Variants in PABIR2 observed in about 807,000 individuals in gnomAD.
The protein encoded by PABIR2 is PABIR family member 2.
A neutral mutation model predicts 22.8 loss-of-function variants in PABIR2; 7 were observed. That is an observed-to-expected ratio of 0.31 (90% CI 0.17 to 0.58). PABIR2 has a LOEUF of 0.58. Ranked by LOEUF, PABIR2 falls within the 20% of genes least tolerant of loss-of-function variation. The probability of loss-of-function intolerance (pLI) is 0.89; values close to 1 mark genes in which losing one functional copy is unlikely to be tolerated. For synonymous variants in PABIR2, 67 were observed against 73.8 expected (o/e 0.91, Z 0.47); for missense variants, 155 against 205.1 (o/e 0.76, Z 1.49).
intron 2 of PABIR2, among the ~76,000 whole-genome samples, chrX:134,790,433 A>G (rs1051758380): frequency 1.8e-5 from 2 of 112,978 alleles, no homozygotes; most frequent in South Asian, 7.1e-4. Context: ...TTGTAATACT[A>G]TAAAACCAAA....
At chrX:134,774,158 C>T (rs1019605640) in intron 9 of PABIR2, among the ~76,000 whole-genome samples, 2 of 111,636 alleles carry the variant, frequency 1.8e-5, no homozygotes, top group Admixed American at 1.9e-4. Flanking sequence ...TAGCTGGCTC[C>T]GATATTTTTT....
At chrX:134,790,487 T>C (rs1400099017) in intron 2 of PABIR2, among the ~76,000 whole-genome samples, 1 of 112,945 alleles carries the variant, frequency 8.9e-6, no homozygotes, top group African/African-American at 3.2e-5. Context: ...TTAAAACTTA[T>C]TTGAATACTA....
chrX:134,773,421 ATATAAT>A (rs1355824817), intron 9 of PABIR2, among the ~76,000 whole-genome samples: 7 of 110,654 alleles, frequency 6.3e-5, no homozygotes, highest in African/African-American at 1.3e-4. Flanking sequence ...GCTAATAAAT[ATATAAT>A]TATAATTTGC....
In PABIR2 at chrX:134,796,194, C is replaced by T; in HGVS notation, c.12G>A (p.Glu4=). Residue 4 remains glutamate (E), a synonymous_variant, in exon 1 of 10, where the codon GAG becomes GAA. Transcript: ENST00000343004. The part of the protein sequence containing the change: MAQ[E]KMELDLEPDT... ...CAGGCTCAAGGTCCAGCTCCATTTT[C>T]TCCTGAGCCATGTCAGACTTGCAGG... 1 of 1,210,164 alleles carries T rather than the reference C, an allele frequency of 8.3e-7. No homozygotes were observed. The highest frequency in any genetic ancestry group is 1.1e-6 in the Non-Finnish European group (1 of 894,867).
chrX:134,784,224 C>G (rs1226729587), intron 8 of PABIR2, among the ~76,000 whole-genome samples: 2 of 107,996 alleles, frequency 1.9e-5, no homozygotes, highest in Non-Finnish European at 3.9e-5. Context: ...AATCCCAGCA[C>G]TTTGGGAGGC....
At chrX:134,792,535 C>T (rs2079575999) in intron 2 of PABIR2, among the ~76,000 whole-genome samples, 1 of 112,326 alleles carries the variant, frequency 8.9e-6, no homozygotes, top group Non-Finnish European at 1.9e-5. Flanking sequence ...ACATTTCCCC[C>T]TGTAAGTATT....
chrX:134,789,467 A>G, intron 3 of PABIR2, 113 bp downstream of exon 3: 3 of 840,457 alleles, frequency 3.6e-6, no homozygotes, highest in Non-Finnish European at 5.2e-6. Flanking sequence ...AAGAATTATA[A>G]TCTGTCTCCA....
chrX:134,787,384 G>A lies in PABIR2; in HGVS notation c.497+88C>T. On this transcript the variant is annotated intron_variant, in intron 7 of 9. Coordinates refer to ENST00000343004, the MANE Select transcript of PABIR2 (RefSeq NM_001387468.1). ...CAAAGTGCTAGGATTACAGGTGTGA[G>A]CCACTGCGCCCAGCCACAAAAAGCT... 3.2e-6 allele frequency: 3 copies of A among 924,397 alleles called. No individual in the cohort carries two copies. In the South Asian group the frequency reaches 6.1e-5, roughly 19 times the overall value. 76.2% of individuals were successfully genotyped at this position (924,397 alleles called of 1,213,427 possible).
At chrX:134,792,734 G>T (rs1464881996) in intron 2 of PABIR2, among the ~76,000 whole-genome samples, 3 of 112,141 alleles carry the variant, frequency 2.7e-5, no homozygotes, top group African/African-American at 9.7e-5. Context: ...TTTTAATTGG[G>T]AAAAATATCT....
chrX:134,787,610 CTTTTT>C (rs1179720154), intron 6 of PABIR2, 77 bp from the exon 7 acceptor site: 395 of 291,129 alleles, frequency 1.4e-3, no homozygotes, highest in Middle Eastern at 3.7e-3. Flanking sequence ...AGTTTTCTTT[CTTTTT>C]TTTTTTTTTT....
rs2078827335 is a variant in PABIR2 at position 134,770,841 on chromosome X, T to C, written c.*1298A>G. The C allele has an allele frequency of 8.8e-6, 1 of 114,221 alleles. No homozygotes were observed. Among genetic ancestry groups the C allele is most frequent in the South Asian group, 3.6e-4 (1 of 2,804 alleles). 9.4% of individuals were successfully genotyped at this position (114,221 alleles called of 1,213,427 possible). ...ACACTTATAGCACATACACAGTTCA[T>C]AGCTGAAACAGCTTCTTAAAAGCAG... On this transcript the variant is annotated 3_prime_UTR_variant, in exon 10 of 10. Transcript: ENST00000343004.
chrX:134,791,431 T>C (rs187841428), intron 2 of PABIR2, among the ~76,000 whole-genome samples: 2 of 110,107 alleles, frequency 1.8e-5, no homozygotes, highest in East Asian at 5.7e-4. Context: ...GGAGTGTAGA[T>C]TATGCTTTGA....
In PABIR2 at chrX:134,796,310, TGGGGGC is replaced by T; in HGVS notation, c.-111_-106del. On this transcript the variant is annotated 5_prime_UTR_variant, in exon 1 of 10. Coordinates refer to ENST00000343004, the MANE Select transcript of PABIR2 (RefSeq NM_001387468.1). ...GACTGAGCTGCTGGGGACTGGCAGC[TGGGGGC>T]GGGGGCTAAGGGGCGGAGGCTTGGG... 1.3e-5 allele frequency: 1 copy of T among 76,496 alleles called. No individual in the cohort carries two copies. The highest frequency in any genetic ancestry group is 1.9e-5 in the Non-Finnish European group (1 of 53,296). 6.3% of individuals were successfully genotyped at this position (76,496 alleles called of 1,213,427 possible).
intron 9 of PABIR2, among the ~76,000 whole-genome samples, chrX:134,775,687 C>A (rs1217566039): frequency 2.7e-5 from 3 of 110,973 alleles, no homozygotes; most frequent in Non-Finnish European, 3.8e-5. Flanking sequence ...GGCTGAGCCA[C>A]TTTGTGCCTT....
rs899017072 is a variant in PABIR2 at position 134,770,453 on chromosome X, G to A, written c.*1686C>T. 3 of 112,792 alleles carry A rather than the reference G, an allele frequency of 2.7e-5. No individual in the cohort carries two copies. The highest frequency in any genetic ancestry group is 1.9e-4 in the Admixed American group (2 of 10,631). The allele number at this position is 112,792 out of a possible 1,213,427, so 9.3% of individuals were successfully genotyped here. A position where few individuals can be genotyped will look rare whatever the true frequency, so the allele number is the denominator to read the frequency against. ...CTGTAACAGAAGTACTGCACGCTAA[G>A]TGATGCTCTCTTGTAATTGAAAGAG... On this transcript the variant is annotated 3_prime_UTR_variant, in exon 10 of 10. Transcript: ENST00000343004.
chrX:134,788,490 A>T (rs1031697056), intron 6 of PABIR2, among the ~76,000 whole-genome samples: 14 of 106,234 alleles, frequency 1.3e-4, no homozygotes, highest in South Asian at 3.8e-4. Context: ...TTATATATGT[A>T]ATATATACGT....
intron 9 of PABIR2, among the ~76,000 whole-genome samples, chrX:134,772,896 T>C (rs750176567): frequency 9.0e-6 from 1 of 111,541 alleles, no homozygotes; most frequent in South Asian, 3.8e-4. Flanking sequence ...TCTAGAAGAG[T>C]CCCTTTCTTT....
At position 134,796,288 on chromosome X, in the gene PABIR2, T is replaced by A; in HGVS notation, c.-83A>T. Reference sequence around the variant, plus strand: ...ACTCCCAAGACTCTCACTGCAGGACTGAGCTGCTGGGGACTGGCAGCTGGG... The same window carrying A: ...ACTCCCAAGACTCTCACTGCAGGACAGAGCTGCTGGGGACTGGCAGCTGGG... On this transcript the variant is annotated 5_prime_UTR_variant, in exon 1 of 10. Transcript: ENST00000343004. 1.8e-6 allele frequency: 1 copy of A among 555,136 alleles called. No individual in the cohort carries two copies. The allele number at this position is 555,136 out of a possible 1,213,427, so 45.7% of individuals were successfully genotyped here. A position where few individuals can be genotyped will look rare whatever the true frequency, so the allele number is the denominator to read the frequency against.
intron 9 of PABIR2, among the ~76,000 whole-genome samples, chrX:134,779,428 A>AAAAAT (rs901376990): frequency 9.0e-6 from 1 of 111,112 alleles, no homozygotes; most frequent in Non-Finnish European, 1.9e-5. Flanking sequence ...TCTGTCTCAA[A>AAAAAT]AAAATAAAAT....
Sources: allele counts gnomAD v4.1 joint callset (sites outside exome capture counted in the v4.1 genomes callset), GRCh38; gene constraint gnomAD v4.1.1; transcripts MANE v1.5; gene names NCBI Gene and HGNC (gene_info 2026-07-23, HGNC 2026-07-21).